Variants in SYNE1 observed in about 807,000 individuals in gnomAD.
SYNE1 encodes the protein spectrin repeat containing nuclear envelope protein 1.
SYNE1 carries 616 observed loss-of-function variants against 1,111.0 expected under a neutral mutation model. The ratio of observed to expected loss-of-function variants is 0.55; its 90% CI spans 0.52 to 0.59. SYNE1 has a LOEUF of 0.59. Among genes scored for constraint, SYNE1 ranks in the 20% least tolerant of loss-of-function variants. The probability of loss-of-function intolerance (pLI) is 0.00; values close to 1 mark genes in which losing one functional copy is unlikely to be tolerated. For synonymous variants in SYNE1, 3,855 were observed against 3,825.8 expected, an observed-to-expected ratio of 1.01 and a Z score of -0.28; for missense variants, 10,006 against 10,417.0, an observed-to-expected ratio of 0.96 and a Z score of 1.72.
At chr6:152,526,785 A>T (rs973843934) in intron 4 of SYNE1, among the ~76,000 whole-genome samples, 4 of 152,214 alleles carry the variant, frequency 2.6e-5, no homozygotes, top group African/African-American at 9.6e-5. Flanking sequence ...TCAGTGTGGC[A>T]TTGAACCCAA....
At chr6:152,311,688 C>T (rs9371582) in intron 87 of SYNE1, among the ~76,000 whole-genome samples, 27,056 of 151,922 alleles carry the variant, frequency 0.18, 2,452 homozygotes, top group South Asian at 0.2. Flanking sequence ...TACAAAGATG[C>T]GTGAATCTAG....
intron 73 of SYNE1, among the ~76,000 whole-genome samples, chr6:152,346,678 CG>C (rs1427162580): frequency 6.6e-6 from 1 of 151,750 alleles, no homozygotes; most frequent in Admixed American, 6.6e-5. Flanking sequence ...GGCGTGGTGG[CG>C]GGCGCCTGTA....
chr6:152,355,756 T>A (rs898805913), intron 66 of SYNE1, among the ~76,000 whole-genome samples: 13 of 152,114 alleles, frequency 8.5e-5, no homozygotes, highest in African/African-American at 3.1e-4. Flanking sequence ...CAAAGTAAAA[T>A]AAATCAAGTC....
At position 152,544,083 on chromosome 6, in the gene SYNE1, T is replaced by C. The variant is rs114296238; in HGVS notation, c.68-4062A>G. The stretch of plus-strand genomic sequence containing the variant: ...ACAAGTAACAACTTTATTAACAATG[T>C]TTCTGTCCTCAGCTTTTCTGCTTAA... On this transcript the variant is annotated intron_variant, in intron 3 of 145. Coordinates refer to ENST00000367255, the MANE Select transcript of SYNE1 (RefSeq NM_182961.4). 9.2e-3 allele frequency among the ~76,000 whole-genome samples: 1,408 copies of C among 152,342 alleles called. 23 individuals carry two copies. Among genetic ancestry groups the C allele is most frequent in the African/African-American group, 0.03 (1,248 of 41,580 alleles).
intron 11 of SYNE1, among the ~76,000 whole-genome samples, chr6:152,491,013 T>C (rs1419272783): frequency 1.3e-5 from 2 of 152,212 alleles, no homozygotes; most frequent in East Asian, 3.9e-4. Context: ...GACACAAAAC[T>C]CCAGCGTGGG....
intron 131 of SYNE1, among the ~76,000 whole-genome samples, chr6:152,158,954 CT>C (rs1206963273): frequency 5.9e-5 from 9 of 152,154 alleles, no homozygotes; most frequent in Non-Finnish European, 8.8e-5. Flanking sequence ...TCAGCTTCAA[CT>C]TTTTTTCTTT....
chr6:152,321,962 T>C (rs1387025272), intron 82 of SYNE1, 76 bp from the exon 83 acceptor site: 3 of 1,528,668 alleles, frequency 2.0e-6, no homozygotes, highest in Non-Finnish European at 2.7e-6. Flanking sequence ...TTTTATCCAA[T>C]ACATATATAG....
chr6:152,285,401 A>T (rs1385972184), intron 95 of SYNE1, among the ~76,000 whole-genome samples: 3 of 152,214 alleles, frequency 2.0e-5, no homozygotes, highest in Non-Finnish European at 4.4e-5. Flanking sequence ...TCCAGTCTAT[A>T]TGAAGCAATT....
Position 152,404,213 on chromosome 6 carries a change from C to G in SYNE1, c.6825G>C (p.Gln2275His), listed in dbSNP as rs1375913958. ...TKNLETPPDL[Q>H]FIEADLMQKL... ...CTAGTAGTTATTACAAAATGCTTAC[C>G]TGAAGGTCTGGCGGTGTTTCTAGAT... Residue 2275 changes from glutamine to histidine, a missense_variant and splice_region_variant, in exon 46 of 146, where the codon CAG becomes CAC. Gln to His is a conservative substitution (Grantham distance 24). This residue lies in a region of SYNE1 where 4,955 missense variants were observed against 5,017.2 expected (regional missense o/e 0.99). Coordinates refer to ENST00000367255, the MANE Select transcript of SYNE1 (RefSeq NM_182961.4). The G allele has an allele frequency of 6.2e-7, 1 of 1,611,178 alleles. No individual in the cohort carries two copies. Among genetic ancestry groups the G allele is most frequent in the Admixed American group, 1.7e-5 (1 of 59,916 alleles).
intron 92 of SYNE1, among the ~76,000 whole-genome samples, chr6:152,301,589 A>C (rs2095170207): frequency 6.6e-6 from 1 of 152,250 alleles, no homozygotes; most frequent in South Asian, 2.1e-4. Context: ...AGAGCCTCTC[A>C]GTATTATTGC....
chr6:152,360,660 G>C (rs187698052), intron 64 of SYNE1, among the ~76,000 whole-genome samples: 1 of 152,116 alleles, frequency 6.6e-6, no homozygotes, highest in Non-Finnish European at 1.5e-5. Flanking sequence ...ATCGGGCACA[G>C]TCCCTACATG....
intron 105 of SYNE1, 147 bp from the exon 106 acceptor site, chr6:152,244,803 C>G: frequency 8.8e-7 from 1 of 1,138,988 alleles, no homozygotes; most frequent in South Asian, 1.3e-5. Flanking sequence ...TAAAACAAAT[C>G]GAAAGCCATG....
chr6:152,425,945 A>T (rs921984041), intron 38 of SYNE1, among the ~76,000 whole-genome samples: 5 of 152,224 alleles, frequency 3.3e-5, no homozygotes. Flanking sequence ...ATTGCCGGAG[A>T]GACTCAGTGC....
chr6:152,235,461 A>G (rs1342518473), intron 110 of SYNE1, among the ~76,000 whole-genome samples: 1 of 152,124 alleles, frequency 6.6e-6, no homozygotes, highest in Non-Finnish European at 1.5e-5. Context: ...TCCCGGGTTC[A>G]AGCGATTCTC....
At chr6:152,239,460 T>C in intron 108 of SYNE1, 73 bp downstream of exon 108, 3 of 1,584,462 alleles carry the variant, frequency 1.9e-6, no homozygotes, top group Non-Finnish European at 2.6e-6. Flanking sequence ...CATGGATAGA[T>C]ACATCTTGCA....
chr6:152,369,896 T>G (rs2097148685), intron 59 of SYNE1, among the ~76,000 whole-genome samples: 1 of 149,156 alleles, frequency 6.7e-6, no homozygotes, highest in African/African-American at 2.5e-5. Context: ...GGTAGGAGAA[T>G]TGCTTGAATC....
chr6:152,250,475 C>A (rs977282804), intron 104 of SYNE1, among the ~76,000 whole-genome samples: 13 of 152,012 alleles, frequency 8.6e-5, no homozygotes, highest in Admixed American at 2.6e-4. Context: ...TCTATAAGAA[C>A]ATGTGAAGGC....
At chr6:152,172,960 C>A (rs2065564176) in intron 130 of SYNE1, among the ~76,000 whole-genome samples, 1 of 152,148 alleles carries the variant, frequency 6.6e-6, no homozygotes, top group African/African-American at 2.4e-5. Context: ...AATTTTATTC[C>A]ATTTCAGTTA....
chr6:152,471,875 C>T, intron 15 of SYNE1, 110 bp from the exon 16 acceptor site: 1 of 1,069,982 alleles, frequency 9.3e-7, no homozygotes, highest in African/African-American at 1.6e-5. Context: ...ACAAGCTCTT[C>T]TAACTCTGGC....
Sources: allele counts gnomAD v4.1 joint callset (sites outside exome capture counted in the v4.1 genomes callset), GRCh38; gene constraint gnomAD v4.1.1; regional missense constraint gnomAD v4.1.1; transcripts MANE v1.5; gene names NCBI Gene and HGNC (gene_info 2026-07-23, HGNC 2026-07-21).